CHRNA7: variants seen among roughly 807,000 people sequenced by gnomAD.
CHRNA7 encodes neuronal acetylcholine receptor subunit alpha-7.
In CHRNA7, 17 loss-of-function variants were observed where a neutral mutation model predicts 48.0. The ratio of observed to expected loss-of-function variants is 0.35; its 90% CI spans 0.24 to 0.53. CHRNA7 has a LOEUF of 0.53. CHRNA7 is among the 20% of genes least tolerant of loss of function. CHRNA7 has a pLI of 0.92. For synonymous variants in CHRNA7, 75 were observed against 242.3 expected, an observed-to-expected ratio of 0.31 and a Z score of 6.41; for missense variants, 155 against 577.7, an observed-to-expected ratio of 0.27 and a Z score of 7.50.
chr15:32,119,964 C>A lies in CHRNA7; in HGVS notation c.350+8065C>A, dbSNP rs554372288. ...GCCTCATCCGGTGCTTACTGAAGGT[C>A]CCATGCACTGCGTTCAGCCTACTTG... On this transcript the variant is annotated intron_variant, in intron 4 of 9. Transcript: ENST00000306901. 5.2e-4 allele frequency among the ~76,000 whole-genome samples: 79 copies of A among 152,316 alleles called. 1 individual carries two copies. The South Asian group carries it at 0.016, about 31-fold the overall frequency.
intron 2 of CHRNA7, among the ~76,000 whole-genome samples, chr15:32,042,055 G>A (rs2049458594): frequency 6.6e-6 from 1 of 152,124 alleles, no homozygotes; most frequent in Non-Finnish European, 1.5e-5. Context: ...TTGCCTTTTA[G>A]TATGCTTTGT....
chr15:32,158,288 C>CTT (rs1426593753), intron 6 of CHRNA7, 124 bp from the exon 7 acceptor site: 363 of 743,246 alleles, frequency 4.9e-4, no homozygotes, highest in Non-Finnish European at 6.0e-4. Context: ...ACAACCCCCC[C>CTT]CTTTTTTTTT....
At chr15:32,104,519 C>T (rs1406861356) in intron 3 of CHRNA7, among the ~76,000 whole-genome samples, 1 of 152,168 alleles carries the variant, frequency 6.6e-6, no homozygotes, top group Non-Finnish European at 1.5e-5. Flanking sequence ...TGTGTTCACT[C>T]GTCTATCTGT....
chr15:32,134,410 C>T (rs1198604433), intron 4 of CHRNA7, among the ~76,000 whole-genome samples: 1 of 152,152 alleles, frequency 6.6e-6, no homozygotes, highest in East Asian at 1.9e-4. Context: ...CCGCCCTCCT[C>T]GGCCTCCCAA....
intron 3 of CHRNA7, 178 bp downstream of exon 3, chr15:32,101,525 T>G: frequency 1.5e-6 from 1 of 659,966 alleles, no homozygotes; most frequent in South Asian, 2.1e-5. Context: ...ATGCTGGCTG[T>G]ATGACACTAC....
At chr15:32,134,654 CAT>C (rs1329855301) in intron 4 of CHRNA7, among the ~76,000 whole-genome samples, 1 of 152,156 alleles carries the variant, frequency 6.6e-6, no homozygotes, top group Non-Finnish European at 1.5e-5. Context: ...CATTCACAAA[CAT>C]AGCAAAAGGC....
intron 4 of CHRNA7, among the ~76,000 whole-genome samples, chr15:32,114,043 T>C (rs1265946270): frequency 3.1e-4 from 24 of 77,746 alleles, no homozygotes; most frequent in East Asian, 2.9e-3. Flanking sequence ...TATATATATA[T>C]GTATATATAT....
At chr15:32,051,757 C>T (rs182764138) in intron 2 of CHRNA7, among the ~76,000 whole-genome samples, 1 of 152,328 alleles carries the variant, frequency 6.6e-6, no homozygotes, top group Non-Finnish European at 1.5e-5. Context: ...AGGCTGGGAG[C>T]TGTAGACCGG....
chr15:32,138,899 G>A (rs945933120), intron 4 of CHRNA7, among the ~76,000 whole-genome samples: 1 of 152,064 alleles, frequency 6.6e-6, no homozygotes, highest in African/African-American at 2.4e-5. Flanking sequence ...GACTACAGGT[G>A]CACGCCACCA....
At chr15:32,042,720 A>T (rs998052675) in intron 2 of CHRNA7, among the ~76,000 whole-genome samples, 1 of 152,082 alleles carries the variant, frequency 6.6e-6, no homozygotes, top group Non-Finnish European at 1.5e-5. Flanking sequence ...TAATCTTGAG[A>T]GCAGAAGTTC....
intron 4 of CHRNA7, among the ~76,000 whole-genome samples, chr15:32,129,544 TTTCTATGTAAA>T (rs1403151471): frequency 1.3e-5 from 2 of 151,960 alleles, no homozygotes; most frequent in Non-Finnish European, 2.9e-5. Context: ...TATGTGTTAA[TTTCTATGTAAA>T]GAGTTGTTCA....
intron 4 of CHRNA7, among the ~76,000 whole-genome samples, chr15:32,114,521 C>T (rs1375940573): frequency 6.6e-6 from 1 of 152,280 alleles, no homozygotes; most frequent in East Asian, 1.9e-4. Flanking sequence ...GTCCGCCAGG[C>T]TTCATCATGG....
At chr15:32,053,242 T>C (rs867671323) in intron 2 of CHRNA7, among the ~76,000 whole-genome samples, 1 of 152,242 alleles carries the variant, frequency 6.6e-6, no homozygotes, top group South Asian at 2.1e-4. Flanking sequence ...AGATATTCCC[T>C]GAAGGGTTCA....
At chr15:32,108,954 G>A (rs2050718622) in intron 3 of CHRNA7, among the ~76,000 whole-genome samples, 1 of 152,128 alleles carries the variant, frequency 6.6e-6, no homozygotes, top group African/African-American at 2.4e-5. Context: ...TCTGTCTGAT[G>A]CGGATGCTTT....
At chr15:32,067,413 C>G (rs2049983881) in intron 2 of CHRNA7, among the ~76,000 whole-genome samples, 1 of 152,136 alleles carries the variant, frequency 6.6e-6, no homozygotes. Context: ...GAATTCTATA[C>G]CCAGTAAAAA....
At position 32,030,648 on chromosome 15, in the gene CHRNA7, C is replaced by A. The variant is rs974735712; in HGVS notation, c.54C>A (p.His18Gln). Residue 18 changes from histidine (H) to glutamine (Q), a missense_variant and splice_region_variant, in exon 1 of 10, where the codon CAC becomes CAA. Transcript: ENST00000306901. ...VWLALAASLL[H>Q]VSLQGEFQRK... ...TGGCGCTGGCCGCGTCGCTCCTGCACGGTAAAGCCACTGCCTCCCCGCCCT... is the reference window on the plus strand; with the variant it reads ...TGGCGCTGGCCGCGTCGCTCCTGCAAGGTAAAGCCACTGCCTCCCCGCCCT... 3 of 1,577,748 alleles carry A rather than the reference C, an allele frequency of 1.9e-6. No homozygotes were observed. Among genetic ancestry groups the A allele is most frequent in the Non-Finnish European group, 2.6e-6 (3 of 1,166,028 alleles).
At chr15:32,144,304 C>G (rs1346231343) in intron 4 of CHRNA7, among the ~76,000 whole-genome samples, 1 of 152,140 alleles carries the variant, frequency 6.6e-6, no homozygotes, top group African/African-American at 2.4e-5. Context: ...GATGGGCTTC[C>G]CTTTGTGGGT....
intron 2 of CHRNA7, among the ~76,000 whole-genome samples, chr15:32,071,372 ATATT>A (rs1178880229): frequency 6.6e-6 from 1 of 152,220 alleles, no homozygotes; most frequent in Non-Finnish European, 1.5e-5. Flanking sequence ...GAATGTTAGC[ATATT>A]TATTATATTA....
At chr15:32,138,493 G>C (rs1308960394) in intron 4 of CHRNA7, among the ~76,000 whole-genome samples, 1 of 150,646 alleles carries the variant, frequency 6.6e-6, no homozygotes, top group African/African-American at 2.5e-5. Flanking sequence ...CCCCACCAGG[G>C]CCGTACAATT....
Sources: gnomAD v4.1 joint callset for allele counts (sites outside exome capture counted in the v4.1 genomes callset) on GRCh38, gnomAD v4.1.1 for gene constraint, MANE v1.5 for transcripts, NCBI Gene and HGNC (gene_info 2026-07-23, HGNC 2026-07-21) for gene names.